The following PCDHGA7 variants were observed in gnomAD, a reference collection of about 807,000 sequenced individuals.
The protein encoded by PCDHGA7 is protocadherin gamma subfamily A, 7, also known as protocadherin gamma-A7.
PCDHGA7 carries 44 observed loss-of-function variants against 58.3 expected under a neutral mutation model. The observed-to-expected ratio is 0.75, with a 90% CI of 0.59 to 0.97. PCDHGA7 has a LOEUF of 0.97. Ranked by LOEUF, PCDHGA7 falls within the 50% of genes least tolerant of loss-of-function variation. PCDHGA7 has a pLI of 0.00. For missense variants in PCDHGA7, 1,266 were observed against 1,188.7 expected (o/e 1.06, Z -0.96); for synonymous variants, 516 against 504.2 (o/e 1.02, Z -0.31).
intron 1 of PCDHGA7, chr5:141,408,084 G>A (rs564149257): frequency 7.5e-5 from 106 of 1,418,874 alleles, no homozygotes; most frequent in Middle Eastern, 2.5e-4. Context: ...CCAGCACAGC[G>A]GATTGCCAGC....
chr5:141,394,361 G>T (rs2092984834), intron 1 of PCDHGA7: 2 of 1,614,190 alleles, frequency 1.2e-6, no homozygotes, highest in Non-Finnish European at 1.7e-6. Context: ...TCCTGTATGC[G>T]CTGCAATCTT....
chr5:141,453,318 AG>A (rs1299190594), intron 1 of PCDHGA7, among the ~76,000 whole-genome samples: 2 of 151,458 alleles, frequency 1.3e-5, no homozygotes, highest in Non-Finnish European at 2.9e-5. Context: ...TTTATTTTAG[AG>A]ATGGGGTCTC....
chr5:141,423,086 T>TG, intron 1 of PCDHGA7: 1 of 1,613,912 alleles, frequency 6.2e-7, no homozygotes, highest in South Asian at 1.1e-5. Flanking sequence ...CTCTTCGCGG[T>TG]GGGGGAGCAC....
chr5:141,421,812 A>T, intron 1 of PCDHGA7: 1 of 1,613,822 alleles, frequency 6.2e-7, no homozygotes, highest in Non-Finnish European at 8.5e-7. Context: ...ATCCAGAGCT[A>T]GTACTGGAGG....
chr5:141,465,966 C>CA (rs2099113454), intron 1 of PCDHGA7, among the ~76,000 whole-genome samples: 1 of 151,802 alleles, frequency 6.6e-6, no homozygotes, highest in Non-Finnish European at 1.5e-5. Flanking sequence ...ACTAAAAATA[C>CA]AAAAAATTAG....
rs1204971797 is a variant in PCDHGA7 at position 141,382,901 on chromosome 5, TGGC to T, written c.6_8del (p.Ala3?). ...CTAAGCAAGAGAAGCAGGACGACTA[TGGC>T]GGCTCAGCCGAGGGGCGGGGACTAC... On this transcript the variant is annotated start_lost and inframe_deletion, in exon 1 of 4. Coordinates refer to ENST00000518325, the MANE Select transcript of PCDHGA7 (RefSeq NM_018920.4). 1 of 1,543,194 alleles carries T rather than the reference TGGC, an allele frequency of 6.5e-7. No individual in the cohort carries two copies. Among genetic ancestry groups the T allele is most frequent in the African/African-American group, 1.4e-5 (1 of 72,382 alleles).
chr5:141,447,966 A>C (rs2098556806), intron 1 of PCDHGA7, among the ~76,000 whole-genome samples: 1 of 151,922 alleles, frequency 6.6e-6, no homozygotes, highest in Non-Finnish European at 1.5e-5. Context: ...GACACCTATA[A>C]TCCCAGCTAC....
At chr5:141,398,923 G>A in intron 1 of PCDHGA7, 1 of 1,613,978 alleles carries the variant, frequency 6.2e-7, no homozygotes, top group Non-Finnish European at 8.5e-7. Context: ...GCAAGTGTCA[G>A]CCACTGACCA....
Position 141,511,030 on chromosome 5 carries a change from C to A in PCDHGA7, c.2656C>A (p.Gln886Lys). 9 of 1,614,224 alleles carry A rather than the reference C, an allele frequency of 5.6e-6. No individual in the cohort carries two copies. Among genetic ancestry groups the A allele is most frequent in the Non-Finnish European group, 7.6e-6 (9 of 1,180,032 alleles). Residue 886 changes from glutamine (Q) to lysine (K), a missense_variant, in exon 4 of 4, where the codon CAG (glutamine) becomes AAG (lysine). Transcript: ENST00000518325. ...SARYGPQFTLQHVPDYRQNVY... is the reference protein window; with the variant it reads ...SARYGPQFTLKHVPDYRQNVY... ...CCGCTACGGACCCCAGTTCACCCTGCAGCACGTGCCCGACTACCGCCAGAA... is the reference window on the plus strand; with the variant it reads ...CCGCTACGGACCCCAGTTCACCCTGAAGCACGTGCCCGACTACCGCCAGAA...
chr5:141,425,015 A>G (rs1285592254), intron 1 of PCDHGA7, among the ~76,000 whole-genome samples: 2 of 152,190 alleles, frequency 1.3e-5, no homozygotes, highest in East Asian at 3.8e-4. Context: ...TCATTTAGGA[A>G]TTTACCTTAT....
In PCDHGA7 at chr5:141,400,210, A is replaced by C. The variant is rs201102949; in HGVS notation, c.2424+14887A>C. 1.2e-3 allele frequency: 1,976 copies of C among 1,613,732 alleles called. 4 individuals are homozygous for C. The highest frequency in any genetic ancestry group is 1.6e-3 in the Non-Finnish European group (1,832 of 1,179,862). ...TTACCTAGTGGTGGCCTTGGCCTTG[A>C]TCTCAGTGCTCTTCCTCCTGGCCGT... On this transcript the variant is annotated intron_variant, in intron 1 of 3. Coordinates refer to ENST00000518325, the MANE Select transcript of PCDHGA7 (RefSeq NM_018920.4).
chr5:141,485,549 G>T lies in PCDHGA7; in HGVS notation c.2425-9258G>T. 1 of 1,614,030 alleles carries T rather than the reference G, an allele frequency of 6.2e-7. No homozygotes were observed. Among genetic ancestry groups the T allele is most frequent in the Non-Finnish European group, 8.5e-7 (1 of 1,179,922 alleles). On this transcript the variant is annotated intron_variant, in intron 1 of 3. Coordinates refer to ENST00000518325, the MANE Select transcript of PCDHGA7 (RefSeq NM_018920.4). The surrounding 1 kb of genome is among the most constrained non-coding windows in gnomAD (Gnocchi z 5.7). Reference sequence around the variant, plus strand: ...CCGAGCAGAGGTAGAGATCGTAGATGTGAATGATCACGCCCCCCGTTTTCC... The same window carrying T: ...CCGAGCAGAGGTAGAGATCGTAGATTTGAATGATCACGCCCCCCGTTTTCC...
chr5:141,444,561 GA>G (rs778707459), intron 1 of PCDHGA7, among the ~76,000 whole-genome samples: 17 of 152,098 alleles, frequency 1.1e-4, no homozygotes, highest in Non-Finnish European at 2.1e-4. Context: ...GCACTTATTT[GA>G]CACTTTTGAC....
At chr5:141,391,561 G>A (rs2092390304) in intron 1 of PCDHGA7, 1 of 152,026 alleles carries the variant, frequency 6.6e-6, no homozygotes, top group Non-Finnish European at 1.5e-5. Context: ...TTTTCCATAT[G>A]CATAAGAAAA....
At chr5:141,483,840 T>C (rs996866862) in intron 1 of PCDHGA7, among the ~76,000 whole-genome samples, 2 of 152,172 alleles carry the variant, frequency 1.3e-5, no homozygotes, top group South Asian at 2.1e-4. Context: ...AAGGACTTGG[T>C]TGAATTAAGA....
At chr5:141,390,882 G>A (rs892294372) in intron 1 of PCDHGA7, 2 of 152,824 alleles carry the variant, frequency 1.3e-5, no homozygotes, top group Non-Finnish European at 2.9e-5. Flanking sequence ...GTGTGTGTGT[G>A]TGTGTGAGAG....
intron 1 of PCDHGA7, among the ~76,000 whole-genome samples, chr5:141,425,257 G>A (rs746250240): frequency 6.6e-6 from 1 of 152,152 alleles, no homozygotes; most frequent in Non-Finnish European, 1.5e-5. Context: ...TGAGGTATTT[G>A]GCTGGGAAAA....
chr5:141,456,043 G>A (rs62379189), intron 1 of PCDHGA7, among the ~76,000 whole-genome samples: 6,917 of 151,746 alleles, frequency 0.046, 202 homozygotes, highest in Middle Eastern at 0.086. Flanking sequence ...GACTACAGGC[G>A]CCCACCACCA....
chr5:141,428,188 G>A (rs1023078587), intron 1 of PCDHGA7: 3 of 1,433,350 alleles, frequency 2.1e-6, no homozygotes, highest in Admixed American at 1.8e-5. Flanking sequence ...GACAGCCGCC[G>A]CTCTCTGCGC....
Sources: gnomAD v4.1 joint callset for allele counts (sites outside exome capture counted in the v4.1 genomes callset) on GRCh38, gnomAD v4.1.1 for gene constraint, Gnocchi (gnomAD v3.1) non-coding constraint, MANE v1.5 for transcripts, NCBI Gene and HGNC (gene_info 2026-07-23, HGNC 2026-07-21) for gene names.